TBCD: variants seen among roughly 807,000 people sequenced by gnomAD.
TBCD encodes tubulin-specific chaperone D.
In TBCD, 105 loss-of-function variants were observed where a neutral mutation model predicts 169.3. The ratio of observed to expected loss-of-function variants is 0.62; its 90% CI spans 0.53 to 0.73. TBCD has a LOEUF of 0.73. Among genes scored for constraint, TBCD ranks in the 30% least tolerant of loss-of-function variants. The pLI is 0.00. For synonymous variants in TBCD, 700 were observed against 643.9 expected (o/e 1.09, Z -1.32); for missense variants, 1,444 against 1,600.1 (o/e 0.90, Z 1.66).
chr17:82,798,849 C>G (rs2050294261), intron 8 of TBCD, among the ~76,000 whole-genome samples: 1 of 152,170 alleles, frequency 6.6e-6, no homozygotes, highest in South Asian at 2.1e-4. Flanking sequence ...CTCAAGCCAT[C>G]CTCCCACCTC....
chr17:82,918,679 A>G (rs1034193284), intron 23 of TBCD: 2 of 151,810 alleles, frequency 1.3e-5, no homozygotes, highest in Non-Finnish European at 2.9e-5. Context: ...GCACCGCTTC[A>G]TTCCACCGCT....
In TBCD at chr17:82,907,770, G is replaced by A. The variant is rs1349702035; in HGVS notation, c.1932G>A (p.Thr644=). 1.9e-6 allele frequency: 3 copies of A among 1,613,642 alleles called. No homozygotes were observed. The highest frequency in any genetic ancestry group is 2.7e-5 in the African/African-American group (2 of 74,916). Residue 644 remains threonine (T), a synonymous_variant, in exon 21 of 39, where the codon ACG becomes ACA. Coordinates refer to ENST00000355528, the MANE Select transcript of TBCD (RefSeq NM_005993.5). The part of the protein sequence containing the change: ...KLAAQENRPV[T]DHLDEQAVQG... The stretch of plus-strand genomic sequence containing the variant: ...GTTTGAACTTCTGCAGGCCCGTCAC[G>A]GACCATCTGGACGAGCAGGCAGTGC...
intron 16 of TBCD, chr17:82,893,164 G>A (rs532255621): frequency 9.8e-5 from 23 of 233,748 alleles, no homozygotes; most frequent in African/African-American, 5.3e-4. Flanking sequence ...CAGCTTTGTG[G>A]CACTTTGTGG....
chr17:82,892,907 G>A (rs541021624), intron 16 of TBCD, among the ~76,000 whole-genome samples: 2 of 152,298 alleles, frequency 1.3e-5, no homozygotes, highest in East Asian at 1.9e-4. Flanking sequence ...GGAGGCTGTC[G>A]TGGCGGGGTG....
chr17:82,906,119 G>A (rs889128484), intron 20 of TBCD, 66 bp downstream of exon 20: 9 of 1,250,014 alleles, frequency 7.2e-6, no homozygotes, highest in Middle Eastern at 1.9e-4. Context: ...TGTAATCACA[G>A]TGCTCTCCAG....
intron 6 of TBCD, among the ~76,000 whole-genome samples, chr17:82,779,743 C>T (rs547827099): frequency 1.2e-4 from 18 of 152,200 alleles, no homozygotes; most frequent in South Asian, 2.1e-4. Flanking sequence ...GTGGGATGGC[C>T]GGAGTTGAAG....
intron 6 of TBCD, among the ~76,000 whole-genome samples, chr17:82,779,053 C>T (rs1357877378): frequency 2.6e-5 from 4 of 151,488 alleles, no homozygotes; most frequent in African/African-American, 7.3e-5. Context: ...TGCTCTGTTG[C>T]TAGGCTGGAG....
At position 82,889,011 on chromosome 17, in the gene TBCD, G is replaced by A. The variant is rs1223057548; in HGVS notation, c.1534-657G>A. Among the ~76,000 whole-genome samples, 2 of 152,336 alleles carry A rather than the reference G, an allele frequency of 1.3e-5. No individual in the cohort carries two copies. Among genetic ancestry groups the A allele is most frequent in the South Asian group, 2.1e-4 (1 of 4,826 alleles). On this transcript the variant is annotated intron_variant, in intron 15 of 38. Transcript: ENST00000355528. The surrounding 1 kb of genome is among the most constrained non-coding windows in gnomAD (Gnocchi z 5.3). ...GAGCCCGGGTGCTTTTGGGAAGGAC[G>A]GGGCACCAGCTGGTGACACATGGGA...
chr17:82,807,647 T>C lies in TBCD; in HGVS notation c.1127T>C (p.Val376Ala). 1.3e-6 allele frequency: 2 copies of C among 1,551,704 alleles called. No homozygotes were observed. Among genetic ancestry groups the C allele is most frequent in the South Asian group, 1.2e-5 (1 of 81,570 alleles). The change falls in exon 11 of 39, where the codon GTG becomes GCG. Residue 376 changes from valine to alanine, a missense_variant. Coordinates refer to ENST00000355528, the MANE Select transcript of TBCD (RefSeq NM_005993.5). ...GGGCTGAAGGACAAGGACACGGTCG[T>C]GCGGTGGTCTGCAGCCAAGGGGTAG... ...LVGLKDKDTV[V>A]RWSAAKGIGR... is the part of the protein sequence containing the mutation.
Position 82,831,411 on chromosome 17 carries a change from G to A in TBCD, c.1318+16477G>A, listed in dbSNP as rs748990586. On this transcript the variant is annotated intron_variant, in intron 13 of 38. Transcript: ENST00000355528. This position sits in a 1 kb window ranked among gnomAD's most constrained non-coding sequence, Gnocchi z 4.6. ...AGACCAGGGTGGCTTCTTCAAGCAG[G>A]TGAGAGCTCTGATCTCGGGTGAGGC... 6.2e-7 allele frequency: 1 copy of A among 1,614,216 alleles called. No individual in the cohort carries two copies. The highest frequency in any genetic ancestry group is 1.1e-5 in the South Asian group (1 of 91,080).
chr17:82,873,330 A>G (rs912781671), intron 14 of TBCD, among the ~76,000 whole-genome samples: 5 of 151,944 alleles, frequency 3.3e-5, no homozygotes, highest in African/African-American at 7.3e-5. Context: ...GGCACAGGAC[A>G]TGGGGGTGAG....
At position 82,874,173 on chromosome 17, in the gene TBCD, G is replaced by A. The variant is rs7214035; in HGVS notation, c.1475+3793G>A. Among the ~76,000 whole-genome samples the A allele has an allele frequency of 0.017, 2,517 of 152,250 alleles. 76 individuals are homozygous for A. Among genetic ancestry groups the A allele is most frequent in the African/African-American group, 0.058 (2,404 of 41,554 alleles). On this transcript the variant is annotated intron_variant, in intron 14 of 38. Coordinates refer to ENST00000355528, the MANE Select transcript of TBCD (RefSeq NM_005993.5). This position sits in a 1 kb window ranked among gnomAD's most constrained non-coding sequence, Gnocchi z 5.0. ...ACGGTGGGAGGTGGGGTTGGGGTGA[G>A]TGTGACTTCTGTCTGGGGCATGTTG...
intron 34 of TBCD, 153 bp from the exon 35 acceptor site, chr17:82,937,118 C>T: frequency 1.6e-6 from 1 of 641,382 alleles, no homozygotes. Flanking sequence ...GGGATGGGGA[C>T]CAGCGGACTT....
At chr17:82,940,552 C>T (rs2063101641) in intron 37 of TBCD, among the ~76,000 whole-genome samples, 1 of 152,196 alleles carries the variant, frequency 6.6e-6, no homozygotes, top group Non-Finnish European at 1.5e-5. Flanking sequence ...ACGCACCAGG[C>T]AGCCGCTGTG....
chr17:82,842,141 C>T (rs1028140965), intron 13 of TBCD, among the ~76,000 whole-genome samples: 7 of 152,196 alleles, frequency 4.6e-5, no homozygotes, highest in African/African-American at 1.7e-4. Context: ...GCTACGACTC[C>T]CTCTGCCCGG....
rs1377954667 is a variant in TBCD, at chr17:82,937,277, C to T, written c.3198C>T (p.Pro1066=). ...GTGTGTGTTGTTCTTCCAGCCACCC[C>T]TTTGCTGTGAAGTTGCTTGCGCTCT... The part of the protein sequence containing the change: ...FDIFTTEEDH[P]FAVKLLALCK... The change falls in exon 35 of 39, where the codon CCC becomes CCT. Residue 1066 remains proline (P), a synonymous_variant. Transcript: ENST00000355528. 1.2e-6 allele frequency: 2 copies of T among 1,613,980 alleles called. No homozygotes were observed. The highest frequency in any genetic ancestry group is 2.2e-5 in the East Asian group (1 of 44,888).
At chr17:82,771,331 G>C (rs2048303358) in intron 5 of TBCD, among the ~76,000 whole-genome samples, 1 of 151,938 alleles carries the variant, frequency 6.6e-6, no homozygotes, top group Non-Finnish European at 1.5e-5. Flanking sequence ...AAGAAAATTA[G>C]CCAGGTGTGG....
rs373046559 is a variant in TBCD, at chr17:82,844,810, G to T, written c.1319-25414G>T. On this transcript the variant is annotated intron_variant, in intron 13 of 38. Coordinates refer to ENST00000355528, the MANE Select transcript of TBCD (RefSeq NM_005993.5). ...GACCAAATCTTAGGAACCGTCATGGGGGTGGCAGCTGATGTTTCTTGCGTG... is the reference window on the plus strand; with the variant it reads ...GACCAAATCTTAGGAACCGTCATGGTGGTGGCAGCTGATGTTTCTTGCGTG... Among the ~76,000 whole-genome samples, 17 of 152,306 alleles carry T rather than the reference G, an allele frequency of 1.1e-4. No homozygotes were observed. In the East Asian group the frequency reaches 2.3e-3, roughly 21 times the overall value.
In TBCD at chr17:82,781,659, G is replaced by A; in HGVS notation, c.709G>A (p.Ala237Thr). The change falls in exon 7 of 39, where the codon GCC becomes ACC. Residue 237 changes from alanine (A) to threonine (T), a missense_variant. By Grantham distance (58) the Ala-to-Thr change is moderately conservative (BLOSUM62 0). Transcript: ENST00000355528. ...EFLDWSLCNL[A>T]RSSFQTMQGV... ...CCTGGACTGGAGCCTGTGCAATCTG[G>A]CCCGTTCCTCCTTCCAGACCATGCA... is the stretch of plus-strand genomic sequence containing the variant. 1 of 1,613,816 alleles carries A rather than the reference G, an allele frequency of 6.2e-7. No individual in the cohort carries two copies. Among genetic ancestry groups the A allele is most frequent in the South Asian group, 1.1e-5 (1 of 91,080 alleles).
Sources: gnomAD v4.1 joint callset for allele counts (sites outside exome capture counted in the v4.1 genomes callset) on GRCh38, gnomAD v4.1.1 for gene constraint, Gnocchi (gnomAD v3.1) non-coding constraint, MANE v1.5 for transcripts, NCBI Gene and HGNC (gene_info 2026-07-23, HGNC 2026-07-21) for gene names.